Variants in R3HCC1L observed in about 807,000 individuals in gnomAD.
The protein encoded by R3HCC1L is coiled-coil domain-containing protein R3HCC1L.
Under a neutral mutation model 59.9 loss-of-function variants are expected in R3HCC1L, and 51 were observed. The observed-to-expected ratio is 0.85, with a 90% CI of 0.68 to 1.07. The LOEUF (loss-of-function observed/expected upper bound fraction) is 1.07, where lower values mean the gene tolerates loss of function less well. Among genes scored for constraint, R3HCC1L ranks in the 50% least tolerant of loss-of-function variants. The probability of loss-of-function intolerance (pLI) is 0.00; values close to 1 mark genes in which losing one functional copy is unlikely to be tolerated. For missense variants in R3HCC1L, 965 were observed against 933.0 expected, an observed-to-expected ratio of 1.03 and a Z score of -0.45; for synonymous variants, 322 against 315.2, an observed-to-expected ratio of 1.02 and a Z score of -0.23.
intron 1 of R3HCC1L, among the ~76,000 whole-genome samples, chr10:98,140,723 C>T (rs73340445): frequency 0.043 from 6,518 of 152,176 alleles, 440 homozygotes; most frequent in African/African-American, 0.15. Context: ...AATCAAGTAA[C>T]ATGAAATTTT....
intron 1 of R3HCC1L, among the ~76,000 whole-genome samples, chr10:98,153,851 C>T (rs1004821135): frequency 3.2e-4 from 49 of 151,274 alleles, no homozygotes; most frequent in African/African-American, 1.2e-3. Flanking sequence ...TTAGGACTCA[C>T]GTGGTTTGCC....
intron 4 of R3HCC1L, among the ~76,000 whole-genome samples, chr10:98,204,644 A>C (rs184544415): frequency 2.6e-5 from 4 of 152,312 alleles, no homozygotes; most frequent in African/African-American, 9.6e-5. Flanking sequence ...CCATGATTTC[A>C]GTTCCTGTGG....
chr10:98,191,731 A>G (rs902018879), intron 4 of R3HCC1L, among the ~76,000 whole-genome samples: 7 of 152,130 alleles, frequency 4.6e-5, no homozygotes, highest in Non-Finnish European at 7.4e-5. Flanking sequence ...TTGCCCGTGC[A>G]TATGTCCTGA....
In R3HCC1L at chr10:98,176,457, C is replaced by G. The variant is rs75099016; in HGVS notation, c.-15+13060C>G. Among the ~76,000 whole-genome samples, 1,372 of 152,246 alleles carry G rather than the reference C, an allele frequency of 9.0e-3. 28 individuals carry two copies. The highest frequency in any genetic ancestry group is 0.031 in the African/African-American group (1,305 of 41,550). Reference sequence around the variant, plus strand: ...TTTCAGCATAGATTGTACACATACTCTGTTAGATTTATGCCTAAGCATTTC... The same window carrying G: ...TTTCAGCATAGATTGTACACATACTGTGTTAGATTTATGCCTAAGCATTTC... On this transcript the variant is annotated intron_variant, in intron 4 of 9. Coordinates refer to ENST00000298999, the MANE Select transcript of R3HCC1L (RefSeq NM_001351015.2).
intron 5 of R3HCC1L, among the ~76,000 whole-genome samples, chr10:98,212,464 T>C (rs2135331350): frequency 6.6e-6 from 1 of 152,290 alleles, no homozygotes; most frequent in South Asian, 2.1e-4. Flanking sequence ...CTGTGACATT[T>C]GAACCTCCAA....
intron 9 of R3HCC1L, among the ~76,000 whole-genome samples, chr10:98,240,686 C>G (rs929391524): frequency 1.1e-4 from 16 of 152,152 alleles, no homozygotes; most frequent in Non-Finnish European, 2.1e-4. Context: ...TTTAGACTTT[C>G]CATTATTCTG....
At chr10:98,213,630 A>G (rs1168134740) in intron 5 of R3HCC1L, among the ~76,000 whole-genome samples, 1 of 152,088 alleles carries the variant, frequency 6.6e-6, no homozygotes, top group African/African-American at 2.4e-5. Context: ...TCCCACTTTT[A>G]CTATGCTGTT....
chr10:98,238,268 T>C (rs1857168738), intron 9 of R3HCC1L, among the ~76,000 whole-genome samples: 1 of 152,246 alleles, frequency 6.6e-6, no homozygotes, highest in South Asian at 2.1e-4. Context: ...TGGCATTCAC[T>C]GAGCACCTGC....
In R3HCC1L at chr10:98,163,373, T is replaced by G. The variant is rs917490425; in HGVS notation, c.-39T>G. 3 of 1,341,354 alleles carry G rather than the reference T, an allele frequency of 2.2e-6. No individual in the cohort carries two copies. In the African/African-American group the frequency reaches 4.4e-5, roughly 20 times the overall value. 83.1% of individuals were successfully genotyped at this position (1,341,354 alleles called of 1,614,324 possible). ...TCGGCATGTTGTAGAGTTTTATTAC[T>G]AAGAAAATAAATGTTACTTACATGG... On this transcript the variant is annotated 5_prime_UTR_variant, in exon 4 of 10. Coordinates refer to ENST00000298999, the MANE Select transcript of R3HCC1L (RefSeq NM_001351015.2).
intron 1 of R3HCC1L, among the ~76,000 whole-genome samples, chr10:98,137,629 T>G (rs1365702817): frequency 6.6e-6 from 1 of 152,068 alleles, no homozygotes; most frequent in Non-Finnish European, 1.5e-5. Flanking sequence ...TTATATTAGA[T>G]TTTTTTTCAA....
chr10:98,201,594 G>C (rs1295635730), intron 4 of R3HCC1L, among the ~76,000 whole-genome samples: 1 of 152,110 alleles, frequency 6.6e-6, no homozygotes, highest in Non-Finnish European at 1.5e-5. Context: ...CTTTATAAAG[G>C]GACAGGGAAA....
chr10:98,178,673 G>A (rs1186267244), intron 4 of R3HCC1L, among the ~76,000 whole-genome samples: 1 of 152,118 alleles, frequency 6.6e-6, no homozygotes, highest in Admixed American at 6.6e-5. Flanking sequence ...CCATTTTCAC[G>A]ATACTGATTC....
At chr10:98,174,031 AGAG>A (rs967854633) in intron 4 of R3HCC1L, among the ~76,000 whole-genome samples, 1 of 152,198 alleles carries the variant, frequency 6.6e-6, no homozygotes, top group African/African-American at 2.4e-5. Context: ...AGCTTTAAAA[AGAG>A]GAGATAGAAC....
chr10:98,172,084 G>A (rs1848570258), intron 4 of R3HCC1L, among the ~76,000 whole-genome samples: 1 of 152,104 alleles, frequency 6.6e-6, no homozygotes, highest in East Asian at 1.9e-4. Context: ...GGTAGAAAAG[G>A]TCTATTTGGT....
intron 1 of R3HCC1L, among the ~76,000 whole-genome samples, chr10:98,141,781 A>G (rs1845159897): frequency 6.6e-6 from 1 of 152,192 alleles, no homozygotes; most frequent in Non-Finnish European, 1.5e-5. Context: ...GTGAACATCT[A>G]GAGAGAACCA....
rs1856884366 is a variant in R3HCC1L at position 98,235,881 on chromosome 10, A to T, written c.2129-143A>T. The T allele has an allele frequency of 4.2e-6, 4 of 958,332 alleles. No homozygotes were observed. The South Asian group carries it at 5.3e-5, about 13-fold the overall frequency. The allele number at this position is 958,332 out of a possible 1,614,324, so 59.4% of individuals were successfully genotyped here. A position where few individuals can be genotyped will look rare whatever the true frequency, so the allele number is the denominator to read the frequency against. On this transcript the variant is annotated intron_variant, in intron 8 of 9. Transcript: ENST00000298999. ...TTTGCCATGTTAATTTCCTCTGATCATCATCTATCAGACTTGTATTAATTA... is the reference window on the plus strand; with the variant it reads ...TTTGCCATGTTAATTTCCTCTGATCTTCATCTATCAGACTTGTATTAATTA...
At chr10:98,164,325 A>G (rs1847731116) in intron 4 of R3HCC1L, among the ~76,000 whole-genome samples, 1 of 152,170 alleles carries the variant, frequency 6.6e-6, no homozygotes, top group Admixed American at 6.5e-5. Context: ...GGGATGAGGA[A>G]CTATAGGCAC....
At chr10:98,203,202 T>A (rs1321358113) in intron 4 of R3HCC1L, among the ~76,000 whole-genome samples, 1 of 152,198 alleles carries the variant, frequency 6.6e-6, no homozygotes, top group Non-Finnish European at 1.5e-5. Context: ...AGGGCCATGA[T>A]GTCTGTAATT....
intron 1 of R3HCC1L, among the ~76,000 whole-genome samples, chr10:98,144,638 A>G (rs552690292): frequency 1.3e-5 from 2 of 152,328 alleles, no homozygotes; most frequent in Admixed American, 1.3e-4. Flanking sequence ...CTGGGCTTCC[A>G]TGTGTCAGCT....
Sources: allele counts gnomAD v4.1 joint callset (sites outside exome capture counted in the v4.1 genomes callset), GRCh38; gene constraint gnomAD v4.1.1; transcripts MANE v1.5; gene names NCBI Gene and HGNC (gene_info 2026-07-23, HGNC 2026-07-21).